The following NREP variants were observed in gnomAD, a reference collection of about 807,000 sequenced individuals.
The protein encoded by NREP is neuronal regeneration related protein.
NREP carries 5 observed loss-of-function variants against 8.6 expected under a neutral mutation model. The ratio of observed to expected loss-of-function variants is 0.58; its 90% CI spans 0.30 to 1.22. The LOEUF (loss-of-function observed/expected upper bound fraction) is 1.22. NREP is among the 50% of genes most tolerant of loss of function. The pLI is 0.07. For missense variants in NREP, 86 were observed against 82.5 expected, an observed-to-expected ratio of 1.04 and a Z score of -0.17; for synonymous variants, 27 against 28.0, an observed-to-expected ratio of 0.96 and a Z score of 0.11.
chr5:111,883,681 G>T (rs1354100871), intron 2 of NREP, among the ~76,000 whole-genome samples: 1 of 152,004 alleles, frequency 6.6e-6, no homozygotes, highest in Non-Finnish European at 1.5e-5. Context: ...ACTCAAAACC[G>T]CTCAACTACA....
At chr5:111,767,289 T>TC in intron 2 of NREP, among the ~76,000 whole-genome samples, 1 of 150,560 alleles carries the variant, frequency 6.6e-6, no homozygotes, top group African/African-American at 2.4e-5. Context: ...AAATTACTCC[T>TC]CCCCGCCAAA....
chr5:111,852,798 C>T (rs9326845), intron 2 of NREP, among the ~76,000 whole-genome samples: 103,768 of 152,004 alleles, frequency 0.68, 35,739 homozygotes, highest in Non-Finnish European at 0.71. Context: ...CAAGTGGACA[C>T]TGGAACATGG....
At chr5:111,762,162 T>C (rs1293180432), upstream of NREP, among the ~76,000 whole-genome samples, 3 of 152,160 alleles carry the variant, frequency 2.0e-5, no homozygotes, top group Non-Finnish European at 2.9e-5. Context: ...GGACTCATTA[T>C]GGGTTCAGAA....
intron 2 of NREP, among the ~76,000 whole-genome samples, chr5:111,905,386 C>T (rs1168107064): frequency 6.6e-6 from 1 of 152,078 alleles, no homozygotes; most frequent in Non-Finnish European, 1.5e-5. Flanking sequence ...GTGTCATCAC[C>T]ATTTTGGATT....
At chr5:111,846,845 A>G (rs182056258) in intron 2 of NREP, among the ~76,000 whole-genome samples, 2 of 152,182 alleles carry the variant, frequency 1.3e-5, no homozygotes, top group Admixed American at 6.5e-5. Flanking sequence ...TTTAATAGCT[A>G]TTTGTACATA....
chr5:111,865,680 A>G (rs1271273583), intron 2 of NREP, among the ~76,000 whole-genome samples: 1 of 152,172 alleles, frequency 6.6e-6, no homozygotes, highest in Admixed American at 6.6e-5. Flanking sequence ...GCTATTTGTC[A>G]TCAGAGTTCC....
chr5:111,965,499 CATA>C (rs1008051286), intron 2 of NREP, among the ~76,000 whole-genome samples: 3 of 152,024 alleles, frequency 2.0e-5, no homozygotes, highest in Non-Finnish European at 4.4e-5. Context: ...GAGAGAAGAG[CATA>C]ATAAAATAAT....
chr5:111,881,612 G>A (rs186903233), intron 2 of NREP, among the ~76,000 whole-genome samples: 341 of 152,176 alleles, frequency 2.2e-3, no homozygotes, highest in African/African-American at 7.8e-3. Context: ...TCACACGACC[G>A]GGTACTCCTC....
rs191126670 is a variant in NREP, at chr5:111,843,128, C to T, written c.136-107621G>A. ...AGTTTCTGTTATTTCTTTAAAATGA[C>T]TTTCTTCCCCTTTATTTCTCTCTGC... On this transcript the variant is annotated intron_variant, in intron 2 of 3. Coordinates refer to the NREP transcript ENST00000395634. 5.3e-5 allele frequency among the ~76,000 whole-genome samples: 8 copies of T among 152,202 alleles called. No individual in the cohort carries two copies. The East Asian group carries it at 1.4e-3, about 26-fold the overall frequency.
intron 2 of NREP, among the ~76,000 whole-genome samples, chr5:111,745,676 GC>G (rs1749956875): frequency 6.6e-6 from 1 of 152,058 alleles, no homozygotes; most frequent in Non-Finnish European, 1.5e-5. Flanking sequence ...AAAACAAACT[GC>G]TTAGTTAAAA....
At chr5:111,926,406 G>T (rs1755385010) in intron 2 of NREP, among the ~76,000 whole-genome samples, 1 of 152,092 alleles carries the variant, frequency 6.6e-6, no homozygotes, top group South Asian at 2.1e-4. Flanking sequence ...AAAGAGCTGG[G>T]TCGATTGTGC....
intron 2 of NREP, among the ~76,000 whole-genome samples, chr5:111,919,984 C>T (rs74963872): frequency 7.9e-6 from 1 of 127,354 alleles, no homozygotes; most frequent in Non-Finnish European, 1.7e-5. Flanking sequence ...CCCCCCCCCC[C>T]CACACACACA....
At position 111,904,280 on chromosome 5, in the gene NREP, T is replaced by C. The variant is rs1324030228; in HGVS notation, c.135+70994A>G. Among the ~76,000 whole-genome samples, 9 of 152,152 alleles carry C rather than the reference T, an allele frequency of 5.9e-5. 1 individual carries two copies. Among genetic ancestry groups the C allele is most frequent in the Admixed American group, 5.9e-4 (9 of 15,262 alleles). On this transcript the variant is annotated intron_variant, in intron 2 of 3. Transcript: ENST00000395634. Reference sequence around the variant, plus strand: ...ACACTGTTTGATGTGTTTTGACAAATGTATAATGTCACATATCTATCATGG... The same window carrying C: ...ACACTGTTTGATGTGTTTTGACAAACGTATAATGTCACATATCTATCATGG...
rs542543985 is a variant in NREP at position 111,924,840 on chromosome 5, G to C, written c.135+50434C>G. On this transcript the variant is annotated intron_variant, in intron 2 of 3. Coordinates refer to the NREP transcript ENST00000395634. Reference sequence around the variant, plus strand: ...TCCCCTGGCTTGCTCACACCTCTGGGTTAATATTGGTTTACACCAGTGGAA... The same window carrying C: ...TCCCCTGGCTTGCTCACACCTCTGGCTTAATATTGGTTTACACCAGTGGAA... Among the ~76,000 whole-genome samples, 17 of 152,214 alleles carry C rather than the reference G, an allele frequency of 1.1e-4. No homozygotes were observed. The East Asian group carries it at 3.3e-3, about 29-fold the overall frequency.
intron 2 of NREP, among the ~76,000 whole-genome samples, chr5:111,838,715 ATGTG>A (rs140212848): frequency 0.019 from 2,951 of 152,054 alleles, 47 homozygotes; most frequent in Non-Finnish European, 0.027. Flanking sequence ...ATATATATAT[ATGTG>A]TGTGTGTTTG....
At chr5:111,910,264 C>T (rs17133879) in intron 2 of NREP, among the ~76,000 whole-genome samples, 32,815 of 151,842 alleles carry the variant, frequency 0.22, 5,419 homozygotes, top group African/African-American at 0.46. Flanking sequence ...TAGTCTTTGA[C>T]GTGGAAGCAT....
intron 2 of NREP, among the ~76,000 whole-genome samples, chr5:111,777,293 G>A (rs532350959): frequency 5.9e-5 from 9 of 151,978 alleles, no homozygotes; most frequent in African/African-American, 1.9e-4. Flanking sequence ...TTTAATTCTC[G>A]CAAGGAACTC....
chr5:111,895,456 T>A (rs548124269), intron 2 of NREP, among the ~76,000 whole-genome samples: 1 of 152,018 alleles, frequency 6.6e-6, no homozygotes, highest in African/African-American at 2.4e-5. Context: ...TTCAGTGCCA[T>A]GGAAAAAAAA....
At chr5:111,786,891 T>C (rs917373815) in intron 2 of NREP, among the ~76,000 whole-genome samples, 4 of 152,226 alleles carry the variant, frequency 2.6e-5, no homozygotes, top group Non-Finnish European at 5.9e-5. Flanking sequence ...GGGCAGATTA[T>C]TTTTGCCTTG....
Sources: gnomAD v4.1 joint callset for allele counts (sites outside exome capture counted in the v4.1 genomes callset) on GRCh38, gnomAD v4.1.1 for gene constraint, MANE v1.5 for transcripts, NCBI Gene and HGNC (gene_info 2026-07-23, HGNC 2026-07-21) for gene names.